The following GRID2 variants were observed in gnomAD, a reference collection of about 807,000 sequenced individuals.
GRID2 encodes the protein glutamate ionotropic receptor delta type subunit 2.
Under a neutral mutation model 114.8 loss-of-function variants are expected in GRID2, and 33 were observed. The ratio of observed to expected loss-of-function variants is 0.29; its 90% CI spans 0.22 to 0.38. The LOEUF is 0.38. Among genes scored for constraint, GRID2 ranks in the 10% least tolerant of loss-of-function variants. GRID2 has a pLI of 1.00. For missense variants in GRID2, 1,184 were observed against 1,257.7 expected (o/e 0.94, Z 0.89); for synonymous variants, 505 against 449.9 (o/e 1.12, Z -1.55).
chr4:93,194,865 G>A (rs1415558403), intron 4 of GRID2, among the ~76,000 whole-genome samples: 2 of 152,102 alleles, frequency 1.3e-5, no homozygotes, highest in Non-Finnish European at 1.5e-5. Flanking sequence ...TATTGGGGTA[G>A]GCCCAGCAAT....
intron 13 of GRID2, among the ~76,000 whole-genome samples, chr4:93,614,413 TAA>T (rs1316582133): frequency 6.6e-6 from 1 of 152,188 alleles, no homozygotes; most frequent in Non-Finnish European, 1.5e-5. Flanking sequence ...CAACATTCAT[TAA>T]AAAGTGACCA....
At chr4:93,362,253 T>G (rs1302894721) in intron 8 of GRID2, among the ~76,000 whole-genome samples, 1 of 152,110 alleles carries the variant, frequency 6.6e-6, no homozygotes, top group African/African-American at 2.4e-5. Context: ...TCTCTCTCAA[T>G]GGTAGAATGC....
intron 12 of GRID2, among the ~76,000 whole-genome samples, chr4:93,514,308 A>T (rs986111334): frequency 5.9e-5 from 9 of 152,056 alleles, no homozygotes; most frequent in Non-Finnish European, 1.2e-4. Flanking sequence ...ACTATCTGTA[A>T]CATAAAAGAT....
At chr4:93,348,506 T>A (rs913129389) in intron 8 of GRID2, among the ~76,000 whole-genome samples, 2 of 152,182 alleles carry the variant, frequency 1.3e-5, no homozygotes, top group African/African-American at 4.8e-5. Context: ...GCAAAGTGTT[T>A]AAATCATAAC....
intron 2 of GRID2, among the ~76,000 whole-genome samples, chr4:92,988,233 A>G (rs1029978319): frequency 6.6e-6 from 1 of 152,090 alleles, no homozygotes; most frequent in Non-Finnish European, 1.5e-5. Context: ...CAGCCATCTC[A>G]AGGCTCAACT....
At chr4:93,538,150 G>A (rs972201934) in intron 13 of GRID2, among the ~76,000 whole-genome samples, 3 of 151,644 alleles carry the variant, frequency 2.0e-5, no homozygotes, top group African/African-American at 4.8e-5. Context: ...AATCCTTAGA[G>A]AAATGGCTGA....
intron 2 of GRID2, among the ~76,000 whole-genome samples, chr4:92,868,987 A>G (rs1202888338): frequency 1.3e-5 from 2 of 152,152 alleles, no homozygotes; most frequent in East Asian, 1.9e-4. Flanking sequence ...TCTAAATTAC[A>G]TATTAGGATG....
At chr4:93,078,445 C>CT (rs1729531772) in intron 2 of GRID2, among the ~76,000 whole-genome samples, 1 of 151,638 alleles carries the variant, frequency 6.6e-6, no homozygotes, top group Non-Finnish European at 1.5e-5. Context: ...ATTTTGCACC[C>CT]TGAGTACCTG....
intron 11 of GRID2, among the ~76,000 whole-genome samples, chr4:93,475,603 A>G (rs1330880691): frequency 6.6e-6 from 1 of 152,142 alleles, no homozygotes; most frequent in African/African-American, 2.4e-5. Flanking sequence ...ACCTTTTAGA[A>G]CTAATGACAT....
chr4:92,636,159 C>A (rs984016831), intron 2 of GRID2, among the ~76,000 whole-genome samples: 1 of 151,882 alleles, frequency 6.6e-6, no homozygotes, highest in Non-Finnish European at 1.5e-5. Flanking sequence ...GTTGGTGGGC[C>A]TGCCGAGTCC....
intron 2 of GRID2, among the ~76,000 whole-genome samples, chr4:92,600,775 C>G (rs904783435): frequency 1.3e-5 from 2 of 152,152 alleles, no homozygotes; most frequent in African/African-American, 2.4e-5. Flanking sequence ...GGATCTCCGT[C>G]GCAGAGGGAA....
chr4:93,281,970 T>C (rs903524965), intron 8 of GRID2, among the ~76,000 whole-genome samples: 2 of 152,052 alleles, frequency 1.3e-5, no homozygotes, highest in Non-Finnish European at 2.9e-5. Flanking sequence ...ACATTTGAAG[T>C]TTATGTATAC....
chr4:93,701,757 G>A (rs1727530076), intron 14 of GRID2, among the ~76,000 whole-genome samples: 2 of 152,006 alleles, frequency 1.3e-5, no homozygotes, highest in South Asian at 4.1e-4. Context: ...GGGAGGCTGA[G>A]GTGGGAGAAT....
chr4:92,639,072 T>G (rs1402610716), intron 2 of GRID2, among the ~76,000 whole-genome samples: 1 of 151,524 alleles, frequency 6.6e-6, no homozygotes, highest in African/African-American at 2.4e-5. Context: ...AACCAGACTG[T>G]AATGAAACTC....
chr4:93,034,149 A>G (rs1724698678), intron 2 of GRID2, among the ~76,000 whole-genome samples: 1 of 152,208 alleles, frequency 6.6e-6, no homozygotes. Context: ...TGAACAACAT[A>G]GGGAAAGAAG....
intron 2 of GRID2, among the ~76,000 whole-genome samples, chr4:92,885,970 T>A (rs761869736): frequency 2.0e-5 from 3 of 152,194 alleles, no homozygotes; most frequent in Non-Finnish European, 4.4e-5. Context: ...AAAATTCAAC[T>A]GAATTTTAAG....
chr4:93,564,687 G>T (rs1222940591), intron 13 of GRID2, among the ~76,000 whole-genome samples: 1 of 151,996 alleles, frequency 6.6e-6, no homozygotes, highest in Non-Finnish European at 1.5e-5. Flanking sequence ...CACCACAGTT[G>T]TCTGGTTTGA....
chr4:92,870,469 C>T (rs1345028047), intron 2 of GRID2, among the ~76,000 whole-genome samples: 1 of 151,814 alleles, frequency 6.6e-6, no homozygotes, highest in Non-Finnish European at 1.5e-5. Flanking sequence ...GAAGTGTTTC[C>T]AAAATTTGTT....
intron 1 of GRID2, among the ~76,000 whole-genome samples, chr4:92,521,363 TAAAAG>T (rs1210382136): frequency 6.6e-6 from 1 of 151,882 alleles, no homozygotes; most frequent in African/African-American, 2.4e-5. Flanking sequence ...CATAAAAATA[TAAAAG>T]AAAGTCATAT....
Sources: gnomAD v4.1 joint callset for allele counts (sites outside exome capture counted in the v4.1 genomes callset) on GRCh38, gnomAD v4.1.1 for gene constraint, MANE v1.5 for transcripts, NCBI Gene and HGNC (gene_info 2026-07-23, HGNC 2026-07-21) for gene names.